TDRD12: variants seen among roughly 807,000 people sequenced by gnomAD.
TDRD12 encodes the protein putative ATP-dependent RNA helicase TDRD12.
Under a neutral mutation model 133.5 loss-of-function variants are expected in TDRD12, and 158 were observed. The observed-to-expected ratio is 1.18, with a 90% CI of 1.04 to 1.35. TDRD12 has a LOEUF of 1.35. TDRD12 is among the 40% of genes most tolerant of loss of function. The pLI is 0.00. For synonymous variants in TDRD12, 460 were observed against 477.9 expected, an observed-to-expected ratio of 0.96 and a Z score of 0.49; for missense variants, 1,443 against 1,321.3, an observed-to-expected ratio of 1.09 and a Z score of -1.43.
At position 32,745,101 on chromosome 19, in the gene TDRD12, G is replaced by T. The variant is rs571297543; in HGVS notation, c.440+2201G>T. ...CCCCACTACTCACCGAAGGCTCTGGGAGTGGGATTTGCTGCACACAGCAGC... is the reference window on the plus strand; with the variant it reads ...CCCCACTACTCACCGAAGGCTCTGGTAGTGGGATTTGCTGCACACAGCAGC... On this transcript the variant is annotated intron_variant, in intron 4 of 27. Coordinates refer to ENST00000444215, the Ensembl canonical transcript of TDRD12. Among the ~76,000 whole-genome samples the T allele has an allele frequency of 3.9e-5, 6 of 152,346 alleles. No homozygotes were observed. The South Asian group carries it at 1.2e-3, about 32-fold the overall frequency.
chr19:32,800,224 G>A (rs1194853351), exon 17 of TDRD12: 1 of 1,532,898 alleles, frequency 6.5e-7, no homozygotes, highest in African/African-American at 1.4e-5. Flanking sequence ...AAGGGAATCT[G>A]CACCACATCA....
intron 6 of TDRD12, among the ~76,000 whole-genome samples, chr19:32,755,100 G>A (rs562698292): frequency 8.6e-5 from 13 of 151,316 alleles, no homozygotes; most frequent in Non-Finnish European, 1.3e-4. Context: ...ATGCATCCAC[G>A]TTTGTTGTTG....
At chr19:32,744,715 C>T (rs1048469617) in intron 4 of TDRD12, among the ~76,000 whole-genome samples, 4 of 152,162 alleles carry the variant, frequency 2.6e-5, no homozygotes, top group East Asian at 3.9e-4. Context: ...CTTGAATGAG[C>T]ACTACCGAGT....
intron 6 of TDRD12, 128 bp from the exon 7 acceptor site, chr19:32,755,864 C>A: frequency 1.5e-6 from 1 of 678,678 alleles, no homozygotes; most frequent in Non-Finnish European, 2.2e-6. Flanking sequence ...AAATCTGTTT[C>A]TCTCAGATTA....
exon 21 of TDRD12, chr19:32,802,925 T>C: frequency 6.5e-7 from 1 of 1,534,146 alleles, no homozygotes; most frequent in Non-Finnish European, 8.7e-7. Context: ...TTTTCAGGGT[T>C]CTCCTGCAGA....
intron 26 of TDRD12, 109 bp from the exon 27 acceptor site, chr19:32,817,980 A>C (rs980640619): frequency 2.9e-6 from 2 of 682,918 alleles, no homozygotes; most frequent in Non-Finnish European, 5.3e-6. Context: ...AAAAAAAAAA[A>C]AAAAGTGTTT....
chr19:32,745,501 C>T (rs1969576157), intron 4 of TDRD12, among the ~76,000 whole-genome samples: 1 of 152,196 alleles, frequency 6.6e-6, no homozygotes, highest in Non-Finnish European at 1.5e-5. Flanking sequence ...CTGTTATTCC[C>T]ACACAATATT....
exon 26 of TDRD12, chr19:32,815,462 C>A (rs907768091): frequency 2.1e-5 from 32 of 1,535,674 alleles, no homozygotes; most frequent in Admixed American, 2.0e-4. Flanking sequence ...ACATTACAAA[C>A]CTTTCCAGTT....
At chr19:32,747,834 C>A (rs1599853383) in intron 4 of TDRD12, among the ~76,000 whole-genome samples, 1 of 151,956 alleles carries the variant, frequency 6.6e-6, no homozygotes, top group Non-Finnish European at 1.5e-5. Flanking sequence ...CATAGCTAGA[C>A]CCTCTCTCTA....
At chr19:32,827,234 T>C (rs901432493) in exon 10 of TDRD12, 1 of 1,231,876 alleles carries the variant, frequency 8.1e-7, no homozygotes, top group Non-Finnish European at 1.0e-6. Context: ...CTTCAGAGGA[T>C]GACGACAGTG....
chr19:32,764,904 A>G (rs1331932036), intron 8 of TDRD12, among the ~76,000 whole-genome samples: 1 of 149,602 alleles, frequency 6.7e-6, no homozygotes, highest in Non-Finnish European at 1.5e-5. Context: ...TAATTAAACT[A>G]AAGAGCTTCT....
At chr19:32,764,277 AT>A (rs1380713893) in intron 8 of TDRD12, among the ~76,000 whole-genome samples, 1 of 151,448 alleles carries the variant, frequency 6.6e-6, no homozygotes, top group Non-Finnish European at 1.5e-5. Context: ...CACCTGGCTA[AT>A]TTTTTGTATT....
chr19:32,792,048 C>A (rs1340802054), intron 13 of TDRD12, among the ~76,000 whole-genome samples: 2 of 152,074 alleles, frequency 1.3e-5, no homozygotes, highest in South Asian at 4.2e-4. Context: ...GAGTTTGAGA[C>A]CAGCCTGGCC....
chr19:32,738,227 C>G (rs1170425190), intron 2 of TDRD12, among the ~76,000 whole-genome samples: 1 of 152,188 alleles, frequency 6.6e-6, no homozygotes, highest in African/African-American at 2.4e-5. Context: ...ACAATCATTC[C>G]TAAGCATTAT....
At chr19:32,792,245 CAAAAA>C (rs901551945) in intron 13 of TDRD12, among the ~76,000 whole-genome samples, 1 of 136,198 alleles carries the variant, frequency 7.3e-6, no homozygotes, top group African/African-American at 2.7e-5. Context: ...GACTCCGTCT[CAAAAA>C]AAAAAAGACC....
chr19:32,772,761 G>A (rs1970475276), exon 9 of TDRD12: 35 of 1,500,504 alleles, frequency 2.3e-5, no homozygotes, highest in Non-Finnish European at 3.1e-5. Context: ...AGACAAAGCT[G>A]TAAAATGTAA....
At chr19:32,732,796 C>T (rs774338922) in intron 2 of TDRD12, among the ~76,000 whole-genome samples, 1 of 152,140 alleles carries the variant, frequency 6.6e-6, no homozygotes, top group African/African-American at 2.4e-5. Flanking sequence ...TATGTGCTGC[C>T]GAAGCAAGCA....
chr19:32,720,105 C>A lies in TDRD12; in HGVS notation c.24+9C>A. 6.5e-7 allele frequency: 1 copy of A among 1,547,538 alleles called. No homozygotes were observed. Among genetic ancestry groups the A allele is most frequent in the Non-Finnish European group, 8.7e-7 (1 of 1,146,122 alleles). On this transcript the variant is annotated intron_variant, in intron 1 of 27. Coordinates refer to ENST00000444215, the Ensembl canonical transcript of TDRD12. ...AGCTCCTGGTGCTGAAGGTGAGCGC[C>A]GCCAAGCCAGACCCACGCCAGACCC... is the stretch of plus-strand genomic sequence containing the variant.
rs1293053040 is a variant in TDRD12, at chr19:32,815,561, G to GA, written c.3261dup (p.Leu1088IlefsTer6). On this transcript the variant is annotated frameshift_variant, in exon 26 of 28. Transcript: ENST00000444215. LOFTEE classifies it high-confidence loss of function. ...ATAATCCAGAACACATAGAACAACT[G>GA]AAAAAATTACGCGAAGATGCTAAGA... 6.5e-7 allele frequency: 1 copy of GA among 1,536,158 alleles called. No homozygotes were observed. Among genetic ancestry groups the GA allele is most frequent in the Non-Finnish European group, 8.7e-7 (1 of 1,146,950 alleles).
Sources: gnomAD v4.1 joint callset for allele counts (sites outside exome capture counted in the v4.1 genomes callset) on GRCh38, gnomAD v4.1.1 for gene constraint, MANE v1.5 for transcripts, NCBI Gene and HGNC (gene_info 2026-07-23, HGNC 2026-07-21) for gene names.